Variants in FBF1 observed in about 807,000 individuals in gnomAD.
The protein encoded by FBF1 is Fas binding factor 1.
FBF1 carries 119 observed loss-of-function variants against 147.2 expected under a neutral mutation model. That is an observed-to-expected ratio of 0.81 (90% CI 0.70 to 0.94). The LOEUF (loss-of-function observed/expected upper bound fraction) is 0.94, where lower values mean the gene tolerates loss of function less well. FBF1 is among the 40% of genes least tolerant of loss of function. FBF1 has a pLI of 0.00. For synonymous variants in FBF1, 601 were observed against 609.0 expected, an observed-to-expected ratio of 0.99 and a Z score of 0.19; for missense variants, 1,449 against 1,500.8, an observed-to-expected ratio of 0.97 and a Z score of 0.57.
At position 75,917,788 on chromosome 17, in the gene FBF1, C is replaced by T; in HGVS notation, c.2449G>A (p.Glu817Lys). 1 of 1,611,108 alleles carries T rather than the reference C, an allele frequency of 6.2e-7. No homozygotes were observed. Among genetic ancestry groups the T allele is most frequent in the Non-Finnish European group, 8.5e-7 (1 of 1,179,338 alleles). The change falls in exon 23 of 30, where the codon GAG becomes AAG. Residue 817 changes from glutamate (E) to lysine (K), a missense_variant. Physicochemically the swap from Glu to Lys is moderately conservative, Grantham distance 56 (BLOSUM62 1). Transcript: ENST00000636174. ...DMEEERSRQQ[E>K]VIGKMEARLN... ...CGTGCCTCCATCTTCCCGATGACCT[C>T]CTGTTGCCGGCTCCGCTCCTCCTCC...
chr17:75,915,534 C>T (rs934777803), intron 23 of FBF1, among the ~76,000 whole-genome samples: 11 of 152,186 alleles, frequency 7.2e-5, no homozygotes, highest in South Asian at 2.1e-4. Context: ...CAGCACAAGG[C>T]GAGAGCTTCA....
In FBF1 at chr17:75,920,076, T is replaced by G; in HGVS notation, c.1862A>C (p.His621Pro). 1 of 1,592,316 alleles carries G rather than the reference T, an allele frequency of 6.3e-7. No individual in the cohort carries two copies. ...VRKLELERAQHELLLGSLQQQ... is the reference protein window; with the variant it reads ...VRKLELERAQPELLLGSLQQQ... ...CTGCAGACTCCCCAGCAGCAGCTCA[T>G]GCTGGGCCCGTTCTAGCTCCAGCTT... Residue 621 changes from histidine to proline, a missense_variant, in exon 19 of 30, where the codon CAT becomes CCT. Physicochemically the swap from His to Pro is moderately conservative, Grantham distance 77. Transcript: ENST00000636174.
chr17:75,932,933 G>C lies in FBF1; in HGVS notation c.167+62C>G, dbSNP rs1206240705. On this transcript the variant is annotated intron_variant, in intron 5 of 29. Transcript: ENST00000636174. ...AATGTGAAGTAGAAAGTGGGGGGTG[G>C]AGGGGCAGAGAGCATTTAGACTGAA... is the stretch of plus-strand genomic sequence containing the variant. 2.9e-5 allele frequency: 32 copies of C among 1,117,692 alleles called. No individual in the cohort carries two copies. In the South Asian group the frequency reaches 4.7e-4, roughly 17 times the overall value. 69.2% of individuals were successfully genotyped at this position (1,117,692 alleles called of 1,614,324 possible).
At chr17:75,927,739 C>A (rs1456227188) in intron 8 of FBF1, among the ~76,000 whole-genome samples, 1 of 152,176 alleles carries the variant, frequency 6.6e-6, no homozygotes, top group African/African-American at 2.4e-5. Context: ...CCTCTGCTTC[C>A]TCATCATGAG....
intron 7 of FBF1, 106 bp downstream of exon 7, chr17:75,929,891 G>C: frequency 9.6e-7 from 1 of 1,044,936 alleles, no homozygotes; most frequent in Non-Finnish European, 1.4e-6. Flanking sequence ...CAGAAACACA[G>C]GTTGTAAAGG....
At position 75,923,250 on chromosome 17, in the gene FBF1, G is replaced by C; in HGVS notation, c.1360C>G (p.Gln454Glu). 6.3e-7 allele frequency: 1 copy of C among 1,590,576 alleles called. No individual in the cohort carries two copies. Among genetic ancestry groups the C allele is most frequent in the Non-Finnish European group, 8.6e-7 (1 of 1,168,962 alleles). The change falls in exon 14 of 30, where the codon CAG becomes GAG. Residue 454 changes from glutamine to glutamate, a missense_variant. Transcript: ENST00000636174. This position sits in a 1 kb window ranked among gnomAD's most constrained non-coding sequence, Gnocchi z 4.1. ...RKKSQGLARE[Q>E]HAGTSEGLHL... is the part of the protein sequence containing the mutation. The stretch of plus-strand genomic sequence containing the variant: ...AGGCCCTCAGAGGTCCCAGCATGCT[G>C]CTCTCTGGCCAGGCCTTGGGACTTC...
At chr17:75,933,767 T>C (rs1395444802) in intron 4 of FBF1, among the ~76,000 whole-genome samples, 2 of 152,142 alleles carry the variant, frequency 1.3e-5, no homozygotes, top group African/African-American at 2.4e-5. Flanking sequence ...TGAACAGACA[T>C]TTCTCCAAAG....
chr17:75,913,677 G>A (rs1237973122), intron 28 of FBF1, 25 bp downstream of exon 28: 18 of 1,554,484 alleles, frequency 1.2e-5, no homozygotes, highest in South Asian at 8.1e-5. Context: ...CTGAGCCGCC[G>A]GCCCTTCCTT....
Position 75,926,167 on chromosome 17 carries a change from C to A in FBF1, c.735-4G>T. 1 of 1,607,158 alleles carries A rather than the reference C, an allele frequency of 6.2e-7. No individual in the cohort carries two copies. Among genetic ancestry groups the A allele is most frequent in the Non-Finnish European group, 8.5e-7 (1 of 1,177,472 alleles). The stretch of plus-strand genomic sequence containing the variant: ...GCGAGCAGGGCGAGGCCCTTCCCTG[C>A]AGGACGGGACACACGGCAGGAACGT... On this transcript the variant is annotated splice_polypyrimidine_tract_variant and splice_region_variant and intron_variant, in intron 11 of 29. Coordinates refer to ENST00000636174, the MANE Select transcript of FBF1 (RefSeq NM_001319193.2).
In FBF1 at chr17:75,917,919, G is replaced by C; in HGVS notation, c.2386+12C>G. 1 of 1,593,644 alleles carries C rather than the reference G, an allele frequency of 6.3e-7. No homozygotes were observed. Among genetic ancestry groups the C allele is most frequent in the African/African-American group, 1.3e-5 (1 of 74,732 alleles). On this transcript the variant is annotated intron_variant, in intron 22 of 29. Coordinates refer to ENST00000636174, the MANE Select transcript of FBF1 (RefSeq NM_001319193.2). ...CACCAGGAGCCGGGGTGGCTGAGAG[G>C]GGAGGGCGTACCCCGCAGCTGCTCG...
In FBF1 at chr17:75,917,967, C is replaced by T. The variant is rs770441100; in HGVS notation, c.2350G>A (p.Glu784Lys). Residue 784 changes from glutamate to lysine, a missense_variant, in exon 22 of 30, where the codon GAG becomes AAG. Transcript: ENST00000636174. ...ASHLTTSQER[E>K]LGIRQRDEQL... ...TCGTCACGCTGCCGGATCCCCAGCT[C>T]CCGCTCCTGGGAGGTGGTGAGGTGC... 1.2e-6 allele frequency: 2 copies of T among 1,607,738 alleles called. No individual in the cohort carries two copies. The highest frequency in any genetic ancestry group is 2.2e-5 in the East Asian group (1 of 44,738).
rs1390247539 is a variant in FBF1 at position 75,923,193 on chromosome 17, A to G, written c.1417T>C (p.Ser473Pro). ...HLAGTAGHPP[S>P]GSQPLTSTQG... ...AGCAGCCTAAGTCAGTACCTGCCAGAAGGGGGATGGCCCGCTGTCCCCGCC... is the reference window on the plus strand; with the variant it reads ...AGCAGCCTAAGTCAGTACCTGCCAGGAGGGGGATGGCCCGCTGTCCCCGCC... Residue 473 changes from serine (S) to proline (P), a missense_variant, in exon 14 of 30, where the codon TCT becomes CCT. Physicochemically the swap from Ser to Pro is moderately conservative, Grantham distance 74. Coordinates refer to ENST00000636174, the MANE Select transcript of FBF1 (RefSeq NM_001319193.2). The surrounding 1 kb of genome is among the most constrained non-coding windows in gnomAD (Gnocchi z 4.1). 6.3e-7 allele frequency: 1 copy of G among 1,582,024 alleles called. No homozygotes were observed. Among genetic ancestry groups the G allele is most frequent in the Non-Finnish European group, 8.6e-7 (1 of 1,164,610 alleles).
Position 75,921,240 on chromosome 17 carries a change from C to T in FBF1, c.1674+4G>A. On this transcript the variant is annotated splice_donor_region_variant and intron_variant, in intron 17 of 29. Transcript: ENST00000636174. ...GAGCTAGACCTGTCTGCCCACACCCCTACCTGGACGGGCACGGAAGGCTCT... is the reference window on the plus strand; with the variant it reads ...GAGCTAGACCTGTCTGCCCACACCCTTACCTGGACGGGCACGGAAGGCTCT... The T allele has an allele frequency of 6.3e-7, 1 of 1,581,868 alleles. No individual in the cohort carries two copies. The highest frequency in any genetic ancestry group is 8.6e-7 in the Non-Finnish European group (1 of 1,163,744).
At position 75,937,590 on chromosome 17, in the gene FBF1, G is replaced by A. The variant is rs1386225388; in HGVS notation, c.7C>T (p.Pro3Ser). The A allele has an allele frequency of 6.2e-7, 1 of 1,613,710 alleles. No individual in the cohort carries two copies. Among genetic ancestry groups the A allele is most frequent in the African/African-American group, 1.3e-5 (1 of 74,852 alleles). Residue 3 changes from proline (P) to serine (S), a missense_variant, in exon 3 of 30, where the codon CCA (proline) becomes TCA (serine). Pro to Ser is a moderately conservative substitution (Grantham distance 74). Coordinates refer to ENST00000636174, the MANE Select transcript of FBF1 (RefSeq NM_001319193.2). MA[P>S]KTKKGCKGSI... ...CCTTTACATCCTTTCTTGGTTTTTG[G>A]TGCCTAAAATGGGAAAAACAAATCA...
chr17:75,938,942 G>A lies in FBF1; in HGVS notation c.-83-710C>T, dbSNP rs906865161. ...TTCTCTCACTTTGCCCATTCAAGAG[G>A]TAAAGCCCATTTCCATAAATTAAAA... On this transcript the variant is annotated intron_variant, in intron 1 of 29. Coordinates refer to ENST00000636174, the MANE Select transcript of FBF1 (RefSeq NM_001319193.2). Among the ~76,000 whole-genome samples, 50 of 152,060 alleles carry A rather than the reference G, an allele frequency of 3.3e-4. No homozygotes were observed. In the East Asian group the frequency reaches 6.4e-3, roughly 19 times the overall value.
In FBF1 at chr17:75,926,037, C is replaced by T. The variant is rs757105357; in HGVS notation, c.861G>A (p.Arg287=). 4.3e-6 allele frequency: 7 copies of T among 1,610,120 alleles called. No homozygotes were observed. The African/African-American group carries it at 9.3e-5, about 21-fold the overall frequency. Residue 287 remains arginine (R), a synonymous_variant, in exon 12 of 30, where the codon AGG becomes AGA. Transcript: ENST00000636174. ...CCCCGCAAGCCTCCTTACCCTGTGG[C>T]CTCTGGTACTTCTTGTCTAGCTTGA... ...REFKLDKKYQ[R]PQDSEDMWGD...
At chr17:75,920,140 A>AG in intron 18 of FBF1, 33 bp from the exon 19 acceptor site, 1 of 1,580,610 alleles carries the variant, frequency 6.3e-7, no homozygotes. Context: ...GCAACCAGGG[A>AG]GGGGAGGTGG....
At chr17:75,916,155 A>G (rs1367594726) in intron 23 of FBF1, among the ~76,000 whole-genome samples, 2 of 151,126 alleles carry the variant, frequency 1.3e-5, no homozygotes, top group Admixed American at 6.6e-5. Context: ...CCCCGTTTCT[A>G]CAAAAAATAC....
intron 23 of FBF1, among the ~76,000 whole-genome samples, chr17:75,916,190 A>G (rs1357535363): frequency 6.6e-6 from 1 of 151,000 alleles, no homozygotes; most frequent in Non-Finnish European, 1.5e-5. Flanking sequence ...GTATAGTGGC[A>G]TGCACCTGTG....
Sources: allele counts gnomAD v4.1 joint callset (sites outside exome capture counted in the v4.1 genomes callset), GRCh38; gene constraint gnomAD v4.1.1; non-coding constraint Gnocchi (gnomAD v3.1); transcripts MANE v1.5; gene names NCBI Gene and HGNC (gene_info 2026-07-23, HGNC 2026-07-21).